Variants in AGBL1 observed in about 807,000 individuals in gnomAD.
AGBL1 encodes the protein AGBL carboxypeptidase 1.
AGBL1 carries 130 observed loss-of-function variants against 118.9 expected under a neutral mutation model. The ratio of observed to expected loss-of-function variants is 1.09; its 90% confidence interval spans 0.95 to 1.26. The LOEUF (loss-of-function observed/expected upper bound fraction) is 1.26. Among genes scored for constraint, AGBL1 ranks in the 50% most tolerant of loss-of-function variants. AGBL1 has a pLI of 0.00. For missense variants in AGBL1, 1,584 were observed against 1,298.1 expected (o/e 1.22, Z -3.38); for synonymous variants, 555 against 478.9 (o/e 1.16, Z -2.08).
intron 23 of AGBL1, among the ~76,000 whole-genome samples, chr15:86,925,017 G>A (rs921584818): frequency 3.0e-4 from 46 of 151,794 alleles, no homozygotes; most frequent in African/African-American, 1.0e-3. Flanking sequence ...AAGGAGAATC[G>A]CTTGAACCCG....
intron 21 of AGBL1, among the ~76,000 whole-genome samples, chr15:86,645,679 C>T (rs1330493498): frequency 6.6e-6 from 1 of 152,144 alleles, no homozygotes; most frequent in Non-Finnish European, 1.5e-5. Flanking sequence ...ATAGAAACTA[C>T]AGTGATCAGC....
rs1211418323 is a variant in AGBL1, at chr15:86,790,438, C to T, written c.3158+116002C>T. Among the ~76,000 whole-genome samples, 4 of 152,112 alleles carry T rather than the reference C, an allele frequency of 2.6e-5. No individual in the cohort carries two copies. The South Asian group carries it at 6.2e-4, about 24-fold the overall frequency. On this transcript the variant is annotated intron_variant, in intron 22 of 22. Coordinates refer to ENST00000614907, the MANE Select transcript of AGBL1 (RefSeq NM_001386094.1). Reference sequence around the variant, plus strand: ...TAAAAAAACTTTCTCTCCCCACTCTCACACACCTCTATCTTAATAGGTGTT... The same window carrying T: ...TAAAAAAACTTTCTCTCCCCACTCTTACACACCTCTATCTTAATAGGTGTT...
In AGBL1 at chr15:86,522,849, A is replaced by G. The variant is rs1000359255; in HGVS notation, c.2595A>G (p.Gln865=). 7.4e-6 allele frequency: 12 copies of G among 1,613,818 alleles called. No individual in the cohort carries two copies. The highest frequency in any genetic ancestry group is 1.0e-5 in the Non-Finnish European group (12 of 1,179,746). The change falls in exon 19 of 23, where the codon CAA becomes CAG. Residue 865 remains glutamine (Q), a synonymous_variant. Transcript: ENST00000614907. ...TGAGCGGGGAAGATTTGAACAGACA[A>G]TGGCTTTCTCCCAGTGCTCATCTGC... is the stretch of plus-strand genomic sequence containing the variant. ...CSLSGEDLNR[Q]WLSPSAHLQP...
At chr15:86,194,203 G>C (rs1437307563) in intron 5 of AGBL1, among the ~76,000 whole-genome samples, 1 of 152,082 alleles carries the variant, frequency 6.6e-6, no homozygotes, top group African/African-American at 2.4e-5. Context: ...CGTTTGGCTG[G>C]GCTGCTCTAT....
chr15:86,903,884 T>C (rs531934087), intron 22 of AGBL1, among the ~76,000 whole-genome samples: 1 of 152,256 alleles, frequency 6.6e-6, no homozygotes, highest in South Asian at 2.1e-4. Context: ...AACAATTGCC[T>C]GTAGAGGTCC....
chr15:86,763,865 T>TTATGGAA (rs1176954631), intron 22 of AGBL1, among the ~76,000 whole-genome samples: 1 of 152,032 alleles, frequency 6.6e-6, no homozygotes, highest in Non-Finnish European at 1.5e-5. Context: ...TGTGGAATAT[T>TTATGGAA]TATGGAATAG....
intron 5 of AGBL1, among the ~76,000 whole-genome samples, chr15:86,188,478 G>A (rs1388936695): frequency 1.3e-5 from 2 of 152,124 alleles, no homozygotes; most frequent in Non-Finnish European, 2.9e-5. Flanking sequence ...AGACTTGGCA[G>A]ACGTAACTAA....
At chr15:86,550,784 C>A (rs1567053056) in intron 20 of AGBL1, among the ~76,000 whole-genome samples, 1 of 151,918 alleles carries the variant, frequency 6.6e-6, no homozygotes, top group Non-Finnish European at 1.5e-5. Flanking sequence ...AATGTATATT[C>A]TTTTTGAGTG....
chr15:86,633,580 A>T (rs2142443007), intron 21 of AGBL1, among the ~76,000 whole-genome samples: 1 of 151,914 alleles, frequency 6.6e-6, no homozygotes, highest in African/African-American at 2.4e-5. Context: ...TTAAATTTTG[A>T]TGGTTCTTTA....
At chr15:86,353,482 A>G (rs1955130394) in intron 17 of AGBL1, among the ~76,000 whole-genome samples, 1 of 152,224 alleles carries the variant, frequency 6.6e-6, no homozygotes, top group South Asian at 2.1e-4. Flanking sequence ...ACATTAATGA[A>G]ACCCATCATG....
intron 22 of AGBL1, among the ~76,000 whole-genome samples, chr15:86,679,541 T>C (rs1215599352): frequency 6.6e-6 from 1 of 152,084 alleles, no homozygotes; most frequent in African/African-American, 2.4e-5. Context: ...TCAGCTTTGC[T>C]TACTTCTTTT....
chr15:86,375,650 G>C (rs1348475623), intron 17 of AGBL1, among the ~76,000 whole-genome samples: 1 of 152,146 alleles, frequency 6.6e-6, no homozygotes, highest in African/African-American at 2.4e-5. Context: ...ATGCAAAAAA[G>C]GTACTCGGCT....
intron 22 of AGBL1, among the ~76,000 whole-genome samples, chr15:86,717,336 G>T (rs62031371): frequency 6.6e-6 from 1 of 152,072 alleles, no homozygotes; most frequent in African/African-American, 2.4e-5. Context: ...GGTCAGTGTG[G>T]AACATGACGA....
At chr15:86,505,621 T>G (rs1309197001) in intron 18 of AGBL1, among the ~76,000 whole-genome samples, 1 of 152,016 alleles carries the variant, frequency 6.6e-6, no homozygotes, top group Non-Finnish European at 1.5e-5. Flanking sequence ...TTTTGTAAAA[T>G]TTTTGTTTTT....
chr15:86,950,012 T>G (rs2141668845), intron 23 of AGBL1, among the ~76,000 whole-genome samples: 1 of 152,084 alleles, frequency 6.6e-6, no homozygotes, highest in South Asian at 2.1e-4. Flanking sequence ...TTATCAGCCG[T>G]TTGGAAACTA....
chr15:86,903,435 T>C (rs2080239138), intron 22 of AGBL1, among the ~76,000 whole-genome samples: 1 of 152,198 alleles, frequency 6.6e-6, no homozygotes, highest in South Asian at 2.1e-4. Context: ...GTTTCATGTG[T>C]GTCCATAATT....
Position 86,258,025 on chromosome 15 carries a change from A to T in AGBL1, c.963A>T (p.Lys321Asn). The change falls in exon 9 of 23, where the codon AAA (lysine) becomes AAT (asparagine). Residue 321 changes from lysine (K) to asparagine (N), a missense_variant. Lys to Asn is a moderately conservative substitution (Grantham distance 94). Coordinates refer to ENST00000614907, the MANE Select transcript of AGBL1 (RefSeq NM_001386094.1). ...VDKDSDTEDG[K>N]VEDDDLETDV... ...AAGACTCTGATACTGAAGATGGGAA[A>T]GTGGAAGTAGGTACACCAGCCCATG... 1 of 1,613,670 alleles carries T rather than the reference A, an allele frequency of 6.2e-7. No individual in the cohort carries two copies. The highest frequency in any genetic ancestry group is 8.5e-7 in the Non-Finnish European group (1 of 1,179,776).
intron 24 of AGBL1, among the ~76,000 whole-genome samples, chr15:86,988,711 ATTGC>A (rs1298424416): frequency 6.6e-6 from 1 of 152,110 alleles, no homozygotes; most frequent in Non-Finnish European, 1.5e-5. Flanking sequence ...GTAACTGTAT[ATTGC>A]TAGTGTGTAA....
intron 21 of AGBL1, among the ~76,000 whole-genome samples, chr15:86,558,405 G>A (rs2083766426): frequency 6.6e-6 from 1 of 152,134 alleles, no homozygotes; most frequent in African/African-American, 2.4e-5. Flanking sequence ...TGACTCCAAA[G>A]GGCCATTCCA....
Sources: gnomAD v4.1 joint callset for allele counts (sites outside exome capture counted in the v4.1 genomes callset) on GRCh38, gnomAD v4.1.1 for gene constraint, MANE v1.5 for transcripts, NCBI Gene and HGNC (gene_info 2026-07-23, HGNC 2026-07-21) for gene names.